Variants in RAD51B observed in about 807,000 individuals in gnomAD.
RAD51B encodes DNA repair protein RAD51 homolog 2.
Under a neutral mutation model 42.2 loss-of-function variants are expected in RAD51B, and 38 were observed. That is an observed-to-expected ratio of 0.90 (90% CI 0.70 to 1.18). The LOEUF is 1.18. Among genes scored for constraint, RAD51B ranks in the 50% most tolerant of loss-of-function variants. RAD51B has a pLI of 0.00. For synonymous variants in RAD51B, 154 were observed against 145.2 expected, an observed-to-expected ratio of 1.06 and a Z score of -0.43; for missense variants, 373 against 400.7, an observed-to-expected ratio of 0.93 and a Z score of 0.59.
intron 8 of RAD51B, among the ~76,000 whole-genome samples, chr14:68,386,337 G>GT (rs1421051497): frequency 6.6e-6 from 1 of 152,142 alleles, no homozygotes; most frequent in African/African-American, 2.4e-5. Context: ...AGACAATTGG[G>GT]TTAAGTTTCC....
intron 1 of RAD51B, among the ~76,000 whole-genome samples, chr14:67,822,991 A>AG (rs1203769986): frequency 2.6e-5 from 4 of 152,204 alleles, no homozygotes; most frequent in Admixed American, 2.6e-4. Context: ...TATGTAAAAA[A>AG]GGGGCCAATA....
intron 7 of RAD51B, among the ~76,000 whole-genome samples, chr14:68,221,684 A>G (rs967585685): frequency 6.6e-6 from 1 of 152,232 alleles, no homozygotes; most frequent in African/African-American, 2.4e-5. Context: ...AGACAAATAG[A>G]TGGGACTCAA....
intron 8 of RAD51B, among the ~76,000 whole-genome samples, chr14:68,382,226 A>G (rs1013197022): frequency 7.2e-5 from 11 of 152,232 alleles, no homozygotes; most frequent in Admixed American, 5.9e-4. Context: ...TATGTTTAGT[A>G]GCATTTCTGC....
At chr14:68,510,572 G>C (rs1885660353) in intron 10 of RAD51B, among the ~76,000 whole-genome samples, 1 of 152,176 alleles carries the variant, frequency 6.6e-6, no homozygotes, top group African/African-American at 2.4e-5. Context: ...AGGTTTCAAA[G>C]TGGTTATTTT....
chr14:68,551,077 C>T (rs888280041), intron 10 of RAD51B, among the ~76,000 whole-genome samples: 2 of 152,082 alleles, frequency 1.3e-5, no homozygotes, highest in South Asian at 4.1e-4. Context: ...ACTGCTTACC[C>T]CAGCACTCCC....
chr14:68,191,712 G>A (rs2079270987), intron 7 of RAD51B, among the ~76,000 whole-genome samples: 2 of 152,144 alleles, frequency 1.3e-5, no homozygotes, highest in South Asian at 4.2e-4. Flanking sequence ...GTAAATCAAA[G>A]GGTGAAGACT....
At chr14:68,357,454 C>G (rs1199030387) in intron 8 of RAD51B, among the ~76,000 whole-genome samples, 1 of 151,958 alleles carries the variant, frequency 6.6e-6, no homozygotes, top group Non-Finnish European at 1.5e-5. Context: ...GGTATTTTGA[C>G]CTCCTCCTAT....
Position 68,000,092 on chromosome 14 carries a change from A to G in RAD51B, c.756+112888A>G, listed in dbSNP as rs148953034. Among the ~76,000 whole-genome samples, 87 of 152,318 alleles carry G rather than the reference A, an allele frequency of 5.7e-4. 1 individual carries two copies. In the East Asian group the frequency reaches 0.015, roughly 26 times the overall value. On this transcript the variant is annotated intron_variant, in intron 7 of 10. Coordinates refer to ENST00000471583, the MANE Select transcript of RAD51B (RefSeq NM_133510.4). ...CAAACAGAAAGTCTAACCCCATAGT[A>G]AAAGTATACTTCCTTAGGCCATTCC...
chr14:68,314,568 G>A lies in RAD51B; in HGVS notation c.853+22588G>A, dbSNP rs961323381. The stretch of plus-strand genomic sequence containing the variant: ...TCCACACAGTTGAGTCTACAGAGCA[G>A]AGTAATATTAACAAGACTTATCTTG... On this transcript the variant is annotated intron_variant, in intron 8 of 10. Transcript: ENST00000471583. Among the ~76,000 whole-genome samples the A allele has an allele frequency of 4.6e-5, 7 of 152,264 alleles. No individual in the cohort carries two copies. In the South Asian group the frequency reaches 1.5e-3, roughly 32 times the overall value.
Position 67,825,481 on chromosome 14 carries a change from C to T in RAD51B, c.102C>T (p.Ser34=), listed in dbSNP as rs776657609. The T allele has an allele frequency of 5.0e-6, 8 of 1,611,674 alleles. No individual in the cohort carries two copies. In the African/African-American group the frequency reaches 1.1e-4, roughly 22 times the overall value. ...TTCTTTAGGACTTTTTATGTCTTTCCCCACTGGAGCTTATGAAGGTGACTG... is the reference window on the plus strand; with the variant it reads ...TTCTTTAGGACTTTTTATGTCTTTCTCCACTGGAGCTTATGAAGGTGACTG... ...ILTCQDFLCL[S]PLELMKVTGL... The change falls in exon 3 of 11, where the codon TCC becomes TCT. Residue 34 remains serine (S), a synonymous_variant. Transcript: ENST00000471583.
At chr14:68,412,609 A>G (rs1229893432) in intron 9 of RAD51B, among the ~76,000 whole-genome samples, 3 of 152,238 alleles carry the variant, frequency 2.0e-5, no homozygotes, top group Non-Finnish European at 2.9e-5. Flanking sequence ...GACTATGTAA[A>G]TAATATTCCA....
intron 7 of RAD51B, among the ~76,000 whole-genome samples, chr14:68,201,805 A>C (rs1419271575): frequency 6.6e-6 from 1 of 152,250 alleles, no homozygotes; most frequent in Non-Finnish European, 1.5e-5. Flanking sequence ...GATGTTAGTC[A>C]ATGACCGTTT....
chr14:67,971,321 C>T (rs2074894433), intron 7 of RAD51B, among the ~76,000 whole-genome samples: 1 of 152,022 alleles, frequency 6.6e-6, no homozygotes, highest in African/African-American at 2.4e-5. Flanking sequence ...TGTTTCCTTT[C>T]TATCTGCAGA....
intron 8 of RAD51B, among the ~76,000 whole-genome samples, chr14:68,316,083 A>T (rs187147577): frequency 9.8e-5 from 15 of 152,356 alleles, no homozygotes; most frequent in Admixed American, 2.0e-4. Flanking sequence ...TATTGATGCT[A>T]TATTCACCAT....
chr14:68,371,508 C>T lies in RAD51B; in HGVS notation c.854-39916C>T, dbSNP rs193156731. ...ATTTCAGCCTGGCGACACAATGAGACTCCATCTGAAGAAAAAAAAAAGGGG... is the reference window on the plus strand; with the variant it reads ...ATTTCAGCCTGGCGACACAATGAGATTCCATCTGAAGAAAAAAAAAAGGGG... On this transcript the variant is annotated intron_variant, in intron 8 of 10. Coordinates refer to ENST00000471583, the MANE Select transcript of RAD51B (RefSeq NM_133510.4). 3.0e-3 allele frequency among the ~76,000 whole-genome samples: 456 copies of T among 151,584 alleles called. 2 individuals carry two copies. Among genetic ancestry groups the T allele is most frequent in the African/African-American group, 0.01 (430 of 41,274 alleles).
At chr14:68,634,111 C>T (rs1892293946) in intron 10 of RAD51B, among the ~76,000 whole-genome samples, 1 of 152,202 alleles carries the variant, frequency 6.6e-6, no homozygotes, top group African/African-American at 2.4e-5. Context: ...GCCATCAGCT[C>T]TTCCTAACTG....
chr14:68,356,857 C>T (rs1160256283), intron 8 of RAD51B, among the ~76,000 whole-genome samples: 2 of 151,904 alleles, frequency 1.3e-5, no homozygotes, highest in African/African-American at 4.8e-5. Flanking sequence ...GTGGCGGGCG[C>T]CTGTAGTCCC....
intron 9 of RAD51B, among the ~76,000 whole-genome samples, chr14:68,442,072 A>G (rs1178749362): frequency 6.6e-6 from 1 of 152,184 alleles, no homozygotes. Flanking sequence ...GGGTCTAGAA[A>G]TCTGCATTTC....
intron 10 of RAD51B, among the ~76,000 whole-genome samples, chr14:68,593,759 G>A (rs1042038684): frequency 6.6e-6 from 1 of 152,138 alleles, no homozygotes; most frequent in Admixed American, 6.5e-5. Context: ...AATCACCCAG[G>A]GAAGAAATAT....
Sources: allele counts gnomAD v4.1 joint callset (sites outside exome capture counted in the v4.1 genomes callset), GRCh38; gene constraint gnomAD v4.1.1; transcripts MANE v1.5; gene names NCBI Gene and HGNC (gene_info 2026-07-23, HGNC 2026-07-21).